MACROD2: variants seen among roughly 807,000 people sequenced by gnomAD.
MACROD2 encodes ADP-ribose glycohydrolase MACROD2.
In MACROD2, 36 loss-of-function variants were observed where a neutral mutation model predicts 70.4. The observed-to-expected ratio is 0.51, with a 90% CI of 0.39 to 0.68. The LOEUF (loss-of-function observed/expected upper bound fraction) is 0.68, where lower values mean the gene tolerates loss of function less well. Ranked by LOEUF, MACROD2 falls within the 30% of genes least tolerant of loss-of-function variation. MACROD2 has a pLI of 0.00. For synonymous variants in MACROD2, 172 were observed against 178.8 expected (o/e 0.96, Z 0.30); for missense variants, 496 against 538.4 (o/e 0.92, Z 0.78).
chr20:15,234,016 T>G (rs1357563287), intron 6 of MACROD2, among the ~76,000 whole-genome samples: 14 of 10,106 alleles, frequency 1.4e-3, no homozygotes, highest in Non-Finnish European at 2.3e-3. Context: ...TATATTCTTT[T>G]TTTTTTTTTT....
chr20:15,877,327 G>A (rs2064689973), intron 9 of MACROD2, among the ~76,000 whole-genome samples: 1 of 152,064 alleles, frequency 6.6e-6, no homozygotes, highest in South Asian at 2.1e-4. Flanking sequence ...ATGCTATAAT[G>A]TGCCCAGTTG....
chr20:15,360,882 C>T (rs1430393236), intron 6 of MACROD2, among the ~76,000 whole-genome samples: 1 of 151,120 alleles, frequency 6.6e-6, no homozygotes, highest in African/African-American at 2.4e-5. Context: ...TCTTTATGTC[C>T]TTTGCCCATT....
At chr20:14,052,298 G>A (rs1237387298) in intron 2 of MACROD2, among the ~76,000 whole-genome samples, 1 of 152,060 alleles carries the variant, frequency 6.6e-6, no homozygotes, top group Non-Finnish European at 1.5e-5. Flanking sequence ...ATGATAATAT[G>A]ATTCATCAGG....
At chr20:14,327,664 T>C (rs1040068793) in intron 3 of MACROD2, 1 of 856,176 alleles carries the variant, frequency 1.2e-6, no homozygotes, top group East Asian at 2.8e-5. Context: ...TCACTTTTAA[T>C]ATTTTCATTT....
chr20:15,759,847 A>G (rs533847838), intron 8 of MACROD2, among the ~76,000 whole-genome samples: 32 of 152,336 alleles, frequency 2.1e-4, no homozygotes, highest in African/African-American at 7.7e-4. Flanking sequence ...GTGAATGCCT[A>G]CAGGAGTTTT....
chr20:15,229,098 G>T (rs927170199), intron 5 of MACROD2, among the ~76,000 whole-genome samples: 2 of 152,022 alleles, frequency 1.3e-5, no homozygotes, highest in African/African-American at 4.8e-5. Context: ...TAAAACGTGG[G>T]GTTTTTCTTC....
intron 6 of MACROD2, among the ~76,000 whole-genome samples, chr20:15,323,196 A>G (rs1157781687): frequency 6.6e-6 from 1 of 152,156 alleles, no homozygotes; most frequent in Non-Finnish European, 1.5e-5. Context: ...CAAACAGCCA[A>G]ATTTTTTGGC....
chr20:15,690,591 G>T (rs977335242), intron 8 of MACROD2, among the ~76,000 whole-genome samples: 1 of 152,178 alleles, frequency 6.6e-6, no homozygotes, highest in Non-Finnish European at 1.5e-5. Context: ...AAAGCCATGG[G>T]CTGAATAAAA....
chr20:15,928,233 G>GA (rs1385177445), intron 10 of MACROD2, among the ~76,000 whole-genome samples: 3 of 151,950 alleles, frequency 2.0e-5, no homozygotes, highest in South Asian at 4.2e-4. Flanking sequence ...AATGGTTCAG[G>GA]AAAAAAAAGT....
At chr20:15,280,329 A>G (rs1164648403) in intron 6 of MACROD2, among the ~76,000 whole-genome samples, 1 of 152,062 alleles carries the variant, frequency 6.6e-6, no homozygotes, top group Non-Finnish European at 1.5e-5. Context: ...TTTTTATTTT[A>G]TATAATTAAA....
At position 14,388,122 on chromosome 20, in the gene MACROD2, G is replaced by A. The variant is rs187642544; in HGVS notation, c.272-105357G>A. 3.6e-4 allele frequency among the ~76,000 whole-genome samples: 55 copies of A among 151,262 alleles called. 1 individual carries two copies. The East Asian group carries it at 8.4e-3, about 23-fold the overall frequency. On this transcript the variant is annotated intron_variant, in intron 3 of 17. Coordinates refer to ENST00000684519, the MANE Select transcript of MACROD2 (RefSeq NM_001351661.2). ...CCTCCAGGGTTCATGCCATTCTCAT[G>A]CCTCAGCCTCCTGAGTAGCTGGGAC...
intron 8 of MACROD2, among the ~76,000 whole-genome samples, chr20:15,712,625 G>C (rs2050644844): frequency 6.6e-6 from 1 of 152,158 alleles, no homozygotes; most frequent in African/African-American, 2.4e-5. Flanking sequence ...TCCAAGCTTG[G>C]AAGGGCAGCT....
intron 4 of MACROD2, among the ~76,000 whole-genome samples, chr20:14,503,264 T>C (rs1022397992): frequency 2.6e-5 from 4 of 151,954 alleles, no homozygotes; most frequent in African/African-American, 9.7e-5. Context: ...AGGGTGGTGC[T>C]GCAATCTGGA....
rs377413144 is a variant in MACROD2 at position 15,403,260 on chromosome 20, G to A, written c.541-28145G>A. On this transcript the variant is annotated intron_variant, in intron 6 of 17. Transcript: ENST00000684519. ...TGGGATTATAGCTGTGAGCCACCGC[G>A]TCTCACCTTAAGAAGTTTTTAATAC... Among the ~76,000 whole-genome samples the A allele has an allele frequency of 1.2e-3, 178 of 152,208 alleles. 5 individuals carry two copies. The South Asian group carries it at 0.033, about 28-fold the overall frequency.
chr20:15,103,812 T>A (rs551304458), intron 5 of MACROD2, among the ~76,000 whole-genome samples: 1 of 151,798 alleles, frequency 6.6e-6, no homozygotes, highest in African/African-American at 2.4e-5. Flanking sequence ...CAGAATTGCA[T>A]GAAGAAAGCA....
chr20:15,327,425 A>G (rs2077942544), intron 6 of MACROD2, among the ~76,000 whole-genome samples: 1 of 152,142 alleles, frequency 6.6e-6, no homozygotes, highest in Non-Finnish European at 1.5e-5. Context: ...AAGAGATTTA[A>G]CTGATTTACA....
chr20:15,124,816 TCTAGGAGAGAAGTGTC>T (rs1317746211), intron 5 of MACROD2, among the ~76,000 whole-genome samples: 2 of 152,100 alleles, frequency 1.3e-5, no homozygotes, highest in African/African-American at 4.8e-5. Context: ...CTAGGTTCCT[TCTAGGAGAGAAGTGTC>T]CTATGTATAT....
At chr20:15,847,136 CT>C (rs2064242466) in intron 8 of MACROD2, among the ~76,000 whole-genome samples, 1 of 152,062 alleles carries the variant, frequency 6.6e-6, no homozygotes, top group African/African-American at 2.4e-5. Context: ...TTTTTTACAG[CT>C]GTTCACAGAA....
At chr20:15,209,109 G>A (rs1190242391) in intron 5 of MACROD2, among the ~76,000 whole-genome samples, 2 of 127,870 alleles carry the variant, frequency 1.6e-5, no homozygotes, top group Non-Finnish European at 3.5e-5. Context: ...GGTGGTGGTG[G>A]TGGTGGTATT....
Sources: gnomAD v4.1 joint callset for allele counts (sites outside exome capture counted in the v4.1 genomes callset) on GRCh38, gnomAD v4.1.1 for gene constraint, MANE v1.5 for transcripts, NCBI Gene and HGNC (gene_info 2026-07-23, HGNC 2026-07-21) for gene names.